GSE1: variants seen among roughly 807,000 people sequenced by gnomAD.
GSE1 encodes genetic suppressor element 1.
A neutral mutation model predicts 112.6 loss-of-function variants in GSE1; 32 were observed. The ratio of observed to expected loss-of-function variants is 0.28; its 90% confidence interval spans 0.21 to 0.38. The LOEUF is 0.38. Ranked by LOEUF, GSE1 falls within the 10% of genes least tolerant of loss-of-function variation. GSE1 has a pLI of 1.00. For missense variants in GSE1, 2,348 were observed against 1,699.2 expected, an observed-to-expected ratio of 1.38 and a Z score of -6.71; for synonymous variants, 1,115 against 735.6, an observed-to-expected ratio of 1.52 and a Z score of -8.35.
intron 1 of GSE1, among the ~76,000 whole-genome samples, chr16:85,630,258 C>T (rs991872933): frequency 3.3e-5 from 5 of 152,192 alleles, no homozygotes; most frequent in African/African-American, 1.2e-4. Flanking sequence ...ATACTCTGTT[C>T]ATCAGAAGTG....
intron 2 of GSE1, among the ~76,000 whole-genome samples, chr16:85,478,870 T>G (rs1263084094): frequency 2.2e-5 from 1 of 45,024 alleles, no homozygotes; most frequent in African/African-American, 1.9e-4. Context: ...TTTCTTTCTT[T>G]CTTTCTTTCT....
chr16:85,640,881 C>T (rs890564358), intron 2 of GSE1, among the ~76,000 whole-genome samples: 3 of 152,230 alleles, frequency 2.0e-5, no homozygotes, highest in African/African-American at 4.8e-5. Context: ...CCTCATGGTG[C>T]CTCTCCGTTC....
chr16:85,294,925 C>A (rs1388822860), intron 1 of GSE1, among the ~76,000 whole-genome samples: 1 of 148,636 alleles, frequency 6.7e-6, no homozygotes, highest in Non-Finnish European at 1.5e-5. Context: ...TGTTTTTTTA[C>A]ATTTTTGCAG....
intron 2 of GSE1, among the ~76,000 whole-genome samples, chr16:85,449,664 T>C (rs887831244): frequency 2.0e-5 from 3 of 152,168 alleles, no homozygotes; most frequent in African/African-American, 7.2e-5. Context: ...CAGGAAACAC[T>C]GGTAGCCTTT....
intron 1 of GSE1, among the ~76,000 whole-genome samples, chr16:85,342,819 G>A (rs1297143482): frequency 6.6e-6 from 1 of 151,626 alleles, no homozygotes; most frequent in South Asian, 2.1e-4. Context: ...CAGGTGCCTA[G>A]CAAATGGGGC....
chr16:85,328,107 A>C (rs891785541), intron 1 of GSE1, among the ~76,000 whole-genome samples: 1 of 152,238 alleles, frequency 6.6e-6, no homozygotes, highest in Non-Finnish European at 1.5e-5. Flanking sequence ...GTAGGTGCTC[A>C]ATAAATGCTT....
intron 1 of GSE1, among the ~76,000 whole-genome samples, chr16:85,598,197 T>A: frequency 6.8e-6 from 1 of 146,654 alleles, no homozygotes. Context: ...TTTTTCACTT[T>A]CTCATCTCTC....
chr16:85,586,278 G>C (rs2046687554), intron 1 of GSE1, among the ~76,000 whole-genome samples: 1 of 152,254 alleles, frequency 6.6e-6, no homozygotes, highest in African/African-American at 2.4e-5. Flanking sequence ...TGGGGGTTAG[G>C]ACTTCAGCGT....
Position 85,473,786 on chromosome 16 carries a change from G to T in GSE1, c.2464+116143G>T, listed in dbSNP as rs1237134948. On this transcript the variant is annotated intron_variant, in intron 2 of 2. Transcript: ENST00000637419. Reference sequence around the variant, plus strand: ...CTGTCTTTTGCGGGGCGGAGGGGGGGTCACCATTCAGCACTACAGGAGGAC... The same window carrying T: ...CTGTCTTTTGCGGGGCGGAGGGGGGTTCACCATTCAGCACTACAGGAGGAC... Among the ~76,000 whole-genome samples the T allele has an allele frequency of 2.0e-5, 3 of 152,102 alleles. No homozygotes were observed. The South Asian group carries it at 6.2e-4, about 32-fold the overall frequency.
At chr16:85,510,835 C>G (rs1019022724) in intron 2 of GSE1, among the ~76,000 whole-genome samples, 3 of 152,236 alleles carry the variant, frequency 2.0e-5, no homozygotes, top group Non-Finnish European at 2.9e-5. Context: ...CTCAGGGCCT[C>G]TGCACCTGCC....
intron 1 of GSE1, among the ~76,000 whole-genome samples, chr16:85,618,352 G>A (rs1185506909): frequency 1.3e-5 from 2 of 152,164 alleles, no homozygotes; most frequent in African/African-American, 2.4e-5. Context: ...TGTAATGCCC[G>A]CCACATGCCC....
At chr16:85,628,264 G>A (rs950817838) in intron 1 of GSE1, among the ~76,000 whole-genome samples, 13 of 152,238 alleles carry the variant, frequency 8.5e-5, no homozygotes, top group Middle Eastern at 3.2e-3. Context: ...TATTTTAAGT[G>A]ACCTGACATC....
At chr16:85,370,561 G>A (rs1204017520) in intron 2 of GSE1, among the ~76,000 whole-genome samples, 8 of 152,164 alleles carry the variant, frequency 5.3e-5, no homozygotes, top group African/African-American at 1.9e-4. Context: ...AGTGGATACA[G>A]CAATGATGGT....
chr16:85,485,902 G>T (rs866598959), intron 2 of GSE1, among the ~76,000 whole-genome samples: 1 of 152,190 alleles, frequency 6.6e-6, no homozygotes, highest in African/African-American at 2.4e-5. Flanking sequence ...AACACACACA[G>T]AGAGGGAGCA....
chr16:85,636,977 G>A lies in GSE1; in HGVS notation c.226+2845G>A, dbSNP rs142549101. On this transcript the variant is annotated intron_variant, in intron 2 of 15. Transcript: ENST00000253458. ...CCATCTGCGCCAGAGGGCAGCAGGG[G>A]GAACCTTTGGCGGACTTGGCAGTGG... 6.3e-3 allele frequency among the ~76,000 whole-genome samples: 956 copies of A among 152,308 alleles called. 10 individuals carry two copies. Among genetic ancestry groups the A allele is most frequent in the African/African-American group, 0.022 (908 of 41,576 alleles).
chr16:85,171,348 C>G, exon 1 of GSE1: 1 of 985,600 alleles, frequency 1.0e-6, no homozygotes, highest in Non-Finnish European at 1.2e-6. Flanking sequence ...AGTTCCAGCT[C>G]AACGTGAACC....
chr16:85,633,988 C>A lies in GSE1; in HGVS notation c.82C>A (p.Pro28Thr). The part of the protein sequence containing the change: ...TATRTTATVN[P>T]LTPSPLNGAL... ...GACCAGGACCACCGCCACCGTCAAC[C>A]CCCTCACCCCCTCGCCGCTCAATGG... The change falls in exon 2 of 16, where the codon CCC becomes ACC. Residue 28 changes from proline to threonine, a missense_variant. Coordinates refer to ENST00000253458, the MANE Select transcript of GSE1 (RefSeq NM_014615.5). 2 of 1,613,110 alleles carry A rather than the reference C, an allele frequency of 1.2e-6. No homozygotes were observed. Among genetic ancestry groups the A allele is most frequent in the Non-Finnish European group, 1.7e-6 (2 of 1,179,724 alleles).
intron 2 of GSE1, among the ~76,000 whole-genome samples, chr16:85,482,506 C>CT (rs1311273680): frequency 8.9e-4 from 133 of 148,860 alleles, no homozygotes; most frequent in African/African-American, 3.1e-3. Flanking sequence ...CAGTTCCCCC[C>CT]CCAAATAAAA....
upstream of GSE1, chr16:85,555,826 C>A: frequency 2.3e-6 from 2 of 881,182 alleles, no homozygotes; most frequent in Non-Finnish European, 2.7e-6. Flanking sequence ...TTTCCCCCCT[C>A]TCTCTTTTCC....
Sources: gnomAD v4.1 joint callset for allele counts (sites outside exome capture counted in the v4.1 genomes callset) on GRCh38, gnomAD v4.1.1 for gene constraint, MANE v1.5 for transcripts, NCBI Gene and HGNC (gene_info 2026-07-23, HGNC 2026-07-21) for gene names.